The following TEK variants were observed in gnomAD, a reference collection of about 807,000 sequenced individuals.
The protein encoded by TEK is TEK receptor tyrosine kinase.
TEK carries 43 observed loss-of-function variants against 131.8 expected under a neutral mutation model. That is an observed-to-expected ratio of 0.33 (90% CI 0.26 to 0.42). The LOEUF is 0.42. Ranked by LOEUF, TEK falls within the 10% of genes least tolerant of loss-of-function variation. The pLI is 1.00. For synonymous variants in TEK, 580 were observed against 491.6 expected (o/e 1.18, Z -2.38); for missense variants, 1,162 against 1,384.4 (o/e 0.84, Z 2.55).
At chr9:27,221,639 C>G (rs11791043) in intron 21 of TEK, among the ~76,000 whole-genome samples, 2 of 152,118 alleles carry the variant, frequency 1.3e-5, no homozygotes, top group African/African-American at 2.4e-5. Context: ...GAGTGGACCT[C>G]CAGCCAACTC....
Position 27,205,024 on chromosome 9 carries a change from G to A in TEK, c.2323G>A (p.Ala775Thr). 1 of 1,614,014 alleles carries A rather than the reference G, an allele frequency of 6.2e-7. No individual in the cohort carries two copies. The highest frequency in any genetic ancestry group is 8.5e-7 in the Non-Finnish European group (1 of 1,179,926). ...TCTGATCATATTGCAATTGAAGAGG[G>A]CAAATGTGCAAAGGAGAATGGCCCA... ...AFLIILQLKR[A>T]NVQRRMAQAF... is the part of the protein sequence containing the mutation. The change falls in exon 14 of 23, where the codon GCA (alanine) becomes ACA (threonine). Residue 775 changes from alanine to threonine, a missense_variant. By Grantham distance (58) the Ala-to-Thr change is moderately conservative. Around this residue, in one of 6 missense-constraint regions of TEK, gnomAD observed 477 missense variants for 471.0 expected, o/e 1.01. Transcript: ENST00000380036.
At chr9:27,170,411 G>A (rs1823909045) in intron 4 of TEK, among the ~76,000 whole-genome samples, 1 of 152,108 alleles carries the variant, frequency 6.6e-6, no homozygotes, top group African/African-American at 2.4e-5. Context: ...GGCCCTTTGA[G>A]CTCAAGAGTT....
chr9:27,212,876 G>A lies in TEK; in HGVS notation c.2856G>A (p.Met952Ile), dbSNP rs1825686928. ...LHFAADVARG[M>I]DYLSQKQFIH... Reference sequence around the variant, plus strand: ...TCGCTGCCGACGTGGCCCGGGGCATGGACTACTTGAGCCAAAAACAGGTTT... The same window carrying A: ...TCGCTGCCGACGTGGCCCGGGGCATAGACTACTTGAGCCAAAAACAGGTTT... The change falls in exon 17 of 23, where the codon ATG becomes ATA. Residue 952 changes from methionine to isoleucine, a missense_variant. Around this residue, in one of 6 missense-constraint regions of TEK, gnomAD observed 107 missense variants for 173.9 expected, o/e 0.62. Coordinates refer to ENST00000380036, the MANE Select transcript of TEK (RefSeq NM_000459.5). The A allele has an allele frequency of 6.2e-7, 1 of 1,613,818 alleles. No homozygotes were observed. Among genetic ancestry groups the A allele is most frequent in the South Asian group, 1.1e-5 (1 of 91,060 alleles).
At chr9:27,219,566 G>C (rs1012704163) in intron 20 of TEK, among the ~76,000 whole-genome samples, 1 of 151,984 alleles carries the variant, frequency 6.6e-6, no homozygotes, top group Non-Finnish European at 1.5e-5. Flanking sequence ...ATGATGGGTC[G>C]ATAGGTGCAG....
intron 1 of TEK, among the ~76,000 whole-genome samples, chr9:27,151,790 G>A (rs569525112): frequency 9.8e-5 from 15 of 152,338 alleles, no homozygotes; most frequent in African/African-American, 3.6e-4. Flanking sequence ...CAATAAGTCT[G>A]CGTGGTAAGT....
At chr9:27,168,111 A>G (rs999663724) in intron 2 of TEK, among the ~76,000 whole-genome samples, 2 of 152,208 alleles carry the variant, frequency 1.3e-5, no homozygotes, top group Admixed American at 1.3e-4. Flanking sequence ...CTTAGCTGGC[A>G]TAATGCAAAT....
At chr9:27,165,932 C>T (rs890152225) in intron 2 of TEK, among the ~76,000 whole-genome samples, 32 of 152,376 alleles carry the variant, frequency 2.1e-4, no homozygotes, top group African/African-American at 7.2e-4. Context: ...ACCTAAAGCC[C>T]AGGTCCTTCT....
At chr9:27,224,034 A>C (rs147692611) in intron 21 of TEK, among the ~76,000 whole-genome samples, 16 of 152,348 alleles carry the variant, frequency 1.1e-4, no homozygotes, top group Admixed American at 2.0e-4. Flanking sequence ...ATTCATGGAC[A>C]CATACATCCT....
intron 1 of TEK, among the ~76,000 whole-genome samples, chr9:27,141,586 T>A (rs983703633): frequency 2.6e-5 from 4 of 152,368 alleles, no homozygotes; most frequent in South Asian, 2.1e-4. Flanking sequence ...TTTTTCAGTC[T>A]AATTCCATTG....
chr9:27,195,062 T>C lies in TEK; in HGVS notation c.1625-2253T>C, dbSNP rs1408751036. The stretch of plus-strand genomic sequence containing the variant: ...TCTCCAAAATATCAACTCCCCATTC[T>C]CCTTTGTCATTGCAAACCTGCCTAA... On this transcript the variant is annotated intron_variant, in intron 11 of 22. Coordinates refer to ENST00000380036, the MANE Select transcript of TEK (RefSeq NM_000459.5). Among the ~76,000 whole-genome samples, 3 of 152,202 alleles carry C rather than the reference T, an allele frequency of 2.0e-5. 1 individual carries two copies. The South Asian group carries it at 6.2e-4, about 32-fold the overall frequency.
At chr9:27,155,280 C>T (rs1823289730) in intron 1 of TEK, among the ~76,000 whole-genome samples, 1 of 152,158 alleles carries the variant, frequency 6.6e-6, no homozygotes, top group African/African-American at 2.4e-5. Flanking sequence ...AGCTCGTCGT[C>T]TCTTTCAATG....
chr9:27,158,213 G>T (rs1049707532), intron 2 of TEK, 71 bp downstream of exon 2: 3 of 1,570,006 alleles, frequency 1.9e-6, no homozygotes, highest in Non-Finnish European at 2.6e-6. Flanking sequence ...CTTGGCAGCT[G>T]CTCCCTCAGG....
chr9:27,120,075 A>G (rs1169220724), intron 1 of TEK, among the ~76,000 whole-genome samples: 1 of 152,166 alleles, frequency 6.6e-6, no homozygotes, highest in African/African-American at 2.4e-5. Flanking sequence ...ACATCCATCT[A>G]TTTTATTAAT....
rs973683738 is a variant in TEK, at chr9:27,192,512, A to C, written c.1513A>C (p.Asn505His). 1.2e-6 allele frequency: 2 copies of C among 1,613,870 alleles called. No homozygotes were observed. Among genetic ancestry groups the C allele is most frequent in the African/African-American group, 1.3e-5 (1 of 74,888 alleles). The change falls in exon 11 of 23, where the codon AAC becomes CAC. Residue 505 changes from asparagine to histidine, a missense_variant. Around this residue, in one of 6 missense-constraint regions of TEK, gnomAD observed 477 missense variants for 471.0 expected, o/e 1.01. Transcript: ENST00000380036. ...IQVTNEIVTL[N>H]YLEPRTEYEL... ...AGTGACAAATGAGATTGTTACACTC[A>C]ACTATTTGGAACCTCGGACAGAATA...
chr9:27,226,472 A>G (rs936943827), intron 21 of TEK, among the ~76,000 whole-genome samples: 1 of 151,356 alleles, frequency 6.6e-6, no homozygotes, highest in African/African-American at 2.4e-5. Flanking sequence ...TCAGGAAACT[A>G]GCACAAGAAC....
intron 1 of TEK, among the ~76,000 whole-genome samples, chr9:27,157,275 C>T (rs1823367832): frequency 6.6e-6 from 1 of 152,070 alleles, no homozygotes; most frequent in African/African-American, 2.4e-5. Flanking sequence ...TTACAAGAAT[C>T]CTGATGGAGT....
intron 8 of TEK, among the ~76,000 whole-genome samples, chr9:27,184,472 T>A (rs1392585634): frequency 1.3e-5 from 2 of 152,138 alleles, no homozygotes; most frequent in East Asian, 3.9e-4. Flanking sequence ...TGAGTGACCT[T>A]CTGAGGGAGG....
intron 1 of TEK, among the ~76,000 whole-genome samples, chr9:27,131,247 C>T (rs905027575): frequency 6.6e-6 from 1 of 151,746 alleles, no homozygotes; most frequent in African/African-American, 2.4e-5. Context: ...TTTGGGAGGC[C>T]GAGGCTGGCA....
chr9:27,196,762 C>CTTTTTTTTT (rs367911024), intron 11 of TEK, among the ~76,000 whole-genome samples: 3 of 99,284 alleles, frequency 3.0e-5, no homozygotes, highest in African/African-American at 7.9e-5. Flanking sequence ...GTGCTATACA[C>CTTTTTTTTT]TTTTTTTTTT....
Sources: allele counts gnomAD v4.1 joint callset (sites outside exome capture counted in the v4.1 genomes callset), GRCh38; gene constraint gnomAD v4.1.1; regional missense constraint gnomAD v4.1.1; transcripts MANE v1.5; gene names NCBI Gene and HGNC (gene_info 2026-07-23, HGNC 2026-07-21).